The following PCDH15 variants were observed in gnomAD, a reference collection of about 807,000 sequenced individuals.
PCDH15 encodes the protein protocadherin related 15.
A neutral mutation model predicts 178.5 loss-of-function variants in PCDH15; 129 were observed. That is an observed-to-expected ratio of 0.72 (90% confidence interval 0.63 to 0.84). PCDH15 has a LOEUF of 0.84. Ranked by LOEUF, PCDH15 falls within the 40% of genes least tolerant of loss-of-function variation. The pLI, the probability that PCDH15 is intolerant of heterozygous loss-of-function variation, is 0.00. For synonymous variants in PCDH15, 800 were observed against 732.0 expected (o/e 1.09, Z -1.50); for missense variants, 2,230 against 2,099.9 (o/e 1.06, Z -1.21).
At chr10:54,788,729 C>T (rs986695488) in intron 1 of PCDH15, among the ~76,000 whole-genome samples, 1 of 151,742 alleles carries the variant, frequency 6.6e-6, no homozygotes, top group African/African-American at 2.4e-5. Context: ...GAAAAGTCAG[C>T]AATAGCAAGT....
chr10:55,099,067 T>C (rs1485363724), intron 2 of PCDH15, among the ~76,000 whole-genome samples: 2 of 152,112 alleles, frequency 1.3e-5, no homozygotes, highest in African/African-American at 4.8e-5. Context: ...GTGATGCTGA[T>C]TCAGTTTTAG....
At chr10:55,294,331 T>G (rs1472114694) in intron 1 of PCDH15, among the ~76,000 whole-genome samples, 6 of 152,216 alleles carry the variant, frequency 3.9e-5, no homozygotes. Context: ...ATTAATGCTC[T>G]GGATTGCTCA....
intron 2 of PCDH15, among the ~76,000 whole-genome samples, chr10:55,370,266 AC>A (rs1195078194): frequency 6.6e-6 from 1 of 152,144 alleles, no homozygotes; most frequent in Non-Finnish European, 1.5e-5. Flanking sequence ...AAGAAAAAAC[AC>A]AATAAAACAG....
At chr10:55,620,998 A>G (rs1295810534) in intron 2 of PCDH15, among the ~76,000 whole-genome samples, 1 of 151,812 alleles carries the variant, frequency 6.6e-6, no homozygotes, top group Non-Finnish European at 1.5e-5. Context: ...ATAATGCATT[A>G]GTAAAAACTG....
At chr10:55,095,939 T>A (rs1461557955) in intron 2 of PCDH15, among the ~76,000 whole-genome samples, 3 of 152,100 alleles carry the variant, frequency 2.0e-5, no homozygotes, top group Non-Finnish European at 4.4e-5. Context: ...CCTATTCTGA[T>A]TTTCTTTAGC....
chr10:54,520,579 G>C (rs1222404226), intron 3 of PCDH15, among the ~76,000 whole-genome samples: 4 of 152,036 alleles, frequency 2.6e-5, no homozygotes. Flanking sequence ...TGCTGGAGAG[G>C]ATGTGGAGAA....
chr10:55,166,497 T>G (rs985326227), intron 2 of PCDH15: 2 of 152,172 alleles, frequency 1.3e-5, no homozygotes, highest in African/African-American at 4.8e-5. Flanking sequence ...TTGAACTTAC[T>G]GTGAAATATA....
At chr10:55,227,369 T>C (rs1251077923) in intron 1 of PCDH15, among the ~76,000 whole-genome samples, 1 of 147,790 alleles carries the variant, frequency 6.8e-6, no homozygotes, top group Non-Finnish European at 1.5e-5. Context: ...AGATCTACTC[T>C]ACCAAGGTAG....
intron 8 of PCDH15, among the ~76,000 whole-genome samples, chr10:54,287,484 G>A (rs2059103300): frequency 6.6e-6 from 1 of 151,890 alleles, no homozygotes; most frequent in Non-Finnish European, 1.5e-5. Flanking sequence ...TGTTACTTTG[G>A]TGGGCCAGGA....
chr10:54,437,677 T>G (rs1340804561), intron 3 of PCDH15, among the ~76,000 whole-genome samples: 2 of 152,204 alleles, frequency 1.3e-5, no homozygotes, highest in Non-Finnish European at 2.9e-5. Flanking sequence ...CAATTAAATC[T>G]AATATGTGGA....
intron 35 of PCDH15, among the ~76,000 whole-genome samples, chr10:53,812,416 T>C (rs2075903056): frequency 6.6e-6 from 1 of 152,018 alleles, no homozygotes; most frequent in Non-Finnish European, 1.5e-5. Context: ...GGTTTCACCA[T>C]GTTAGCCAGG....
chr10:54,761,609 G>A lies in PCDH15; in HGVS notation c.-29+39316C>T, dbSNP rs1947881624. Among the ~76,000 whole-genome samples, 3 of 152,022 alleles carry A rather than the reference G, an allele frequency of 2.0e-5. No homozygotes were observed. The South Asian group carries it at 6.2e-4, about 32-fold the overall frequency. ...GAGACAGGAAAATCGCTTGAACCTG[G>A]GAGGTGGAGGTTGCAGTGAGCCGAG... On this transcript the variant is annotated intron_variant, in intron 1 of 37. Transcript: ENST00000644397.
chr10:55,048,611 A>C (rs1174464194), intron 2 of PCDH15, among the ~76,000 whole-genome samples: 1 of 151,924 alleles, frequency 6.6e-6, no homozygotes, highest in African/African-American at 2.4e-5. Flanking sequence ...TTTAACCCAA[A>C]TCTGTACTTT....
Position 54,214,033 on chromosome 10 carries a change from T to C in PCDH15, c.1001A>G (p.Tyr334Cys), listed in dbSNP as rs748070859. Residue 334 changes from tyrosine (Y) to cysteine (C), a missense_variant, in exon 10 of 38, where the codon TAC becomes TGC. Coordinates refer to ENST00000644397, the MANE Select transcript of PCDH15 (RefSeq NM_001384140.1). ...AGGATGCATATGGAAAAATCGTGGG[T>C]AATCCTCAGGAGTCCCTGGAAGACA... is the stretch of plus-strand genomic sequence containing the variant. The part of the protein sequence containing the change: ...YSILVGTPED[Y>C]PRFFHMHPRT... 6.2e-7 allele frequency: 1 copy of C among 1,601,204 alleles called. No homozygotes were observed. The highest frequency in any genetic ancestry group is 8.6e-7 in the Non-Finnish European group (1 of 1,168,510).
chr10:54,308,836 A>G (rs936884752), intron 8 of PCDH15, among the ~76,000 whole-genome samples: 1 of 151,720 alleles, frequency 6.6e-6, no homozygotes, highest in African/African-American at 2.4e-5. Context: ...TAGAATCACA[A>G]TACAATTTCA....
intron 1 of PCDH15, among the ~76,000 whole-genome samples, chr10:54,749,940 T>G (rs1945983722): frequency 6.6e-6 from 1 of 152,054 alleles, no homozygotes; most frequent in Non-Finnish European, 1.5e-5. Flanking sequence ...AATTAAAACT[T>G]TTTTTTAACT....
chr10:54,668,671 G>T (rs1014249368), intron 1 of PCDH15, among the ~76,000 whole-genome samples: 13 of 152,176 alleles, frequency 8.5e-5, no homozygotes, highest in African/African-American at 3.1e-4. Context: ...AAGCAGCCAA[G>T]GTTGACACCA....
rs368397508 is a variant in PCDH15 at position 53,808,997 on chromosome 10, G to A, written c.4671+1559C>T. ...TCTTCTTCCATCTTAGGTTCTTTTT[G>A]TTCTTCTTGTGGCTCCTCTTTCCTA... On this transcript the variant is annotated intron_variant, in intron 37 of 37. Coordinates refer to ENST00000644397, the MANE Select transcript of PCDH15 (RefSeq NM_001384140.1). 6.4e-6 allele frequency: 10 copies of A among 1,569,338 alleles called. No individual in the cohort carries two copies. Among genetic ancestry groups the A allele is most frequent in the South Asian group, 1.2e-5 (1 of 86,176 alleles).
At chr10:54,953,296 A>G (rs996010465) in intron 2 of PCDH15, among the ~76,000 whole-genome samples, 5 of 151,348 alleles carry the variant, frequency 3.3e-5, no homozygotes, top group African/African-American at 1.2e-4. Context: ...TTTTTCTTCT[A>G]TAGCTGTTGA....
Sources: gnomAD v4.1 joint callset for allele counts (sites outside exome capture counted in the v4.1 genomes callset) on GRCh38, gnomAD v4.1.1 for gene constraint, MANE v1.5 for transcripts, NCBI Gene and HGNC (gene_info 2026-07-23, HGNC 2026-07-21) for gene names.